Variants in ECT2L observed in about 807,000 individuals in gnomAD.
ECT2L encodes the protein epithelial cell transforming 2 like.
Under a neutral mutation model 122.8 loss-of-function variants are expected in ECT2L, and 126 were observed. The observed-to-expected ratio is 1.03, with a 90% confidence interval of 0.89 to 1.19. The LOEUF (loss-of-function observed/expected upper bound fraction) is 1.19. Among genes scored for constraint, ECT2L ranks in the 50% most tolerant of loss-of-function variants. ECT2L has a pLI of 0.00. For missense variants in ECT2L, 1,012 were observed against 1,064.1 expected (o/e 0.95, Z 0.68); for synonymous variants, 385 against 381.8 (o/e 1.01, Z -0.10).
intron 20 of ECT2L, among the ~76,000 whole-genome samples, chr6:138,892,196 A>G (rs536765486): frequency 3.1e-4 from 47 of 152,198 alleles, no homozygotes; most frequent in African/African-American, 1.1e-3. Context: ...TTCTGTTGAC[A>G]TATCTTCAAG....
At chr6:138,831,036 C>G (rs556044538) in intron 4 of ECT2L, among the ~76,000 whole-genome samples, 1 of 152,198 alleles carries the variant, frequency 6.6e-6, no homozygotes, top group Admixed American at 6.5e-5. Flanking sequence ...TCGTCGTAAG[C>G]ACAATGTGAC....
At chr6:138,859,893 C>A (rs565716514) in intron 10 of ECT2L, among the ~76,000 whole-genome samples, 3 of 151,874 alleles carry the variant, frequency 2.0e-5, no homozygotes, top group East Asian at 1.9e-4. Context: ...CGGCTCACTG[C>A]AACTTCTGCC....
chr6:138,821,197 A>G (rs1776257713), intron 4 of ECT2L, among the ~76,000 whole-genome samples: 1 of 152,150 alleles, frequency 6.6e-6, no homozygotes, highest in African/African-American at 2.4e-5. Flanking sequence ...TGCCTTTTTC[A>G]TTTTGCACTT....
chr6:138,841,959 C>T (rs1777053858), intron 5 of ECT2L, among the ~76,000 whole-genome samples: 1 of 152,178 alleles, frequency 6.6e-6, no homozygotes, highest in South Asian at 2.1e-4. Flanking sequence ...AGAAACTATT[C>T]CACTATTGCT....
intron 13 of ECT2L, among the ~76,000 whole-genome samples, chr6:138,868,809 T>C (rs1778141460): frequency 6.6e-6 from 1 of 151,920 alleles, no homozygotes; most frequent in Non-Finnish European, 1.5e-5. Context: ...TTTCAGAAAA[T>C]AGTGAGGAGA....
intron 12 of ECT2L, among the ~76,000 whole-genome samples, chr6:138,866,017 CATAA>C (rs1778022302): frequency 6.6e-6 from 1 of 152,228 alleles, no homozygotes; most frequent in South Asian, 2.1e-4. Context: ...TATCTCTTTA[CATAA>C]ATGCTTCCAA....
rs746613121 is a variant in ECT2L at position 138,885,619 on chromosome 6, G to A, written c.2102+40G>A. 5.0e-6 allele frequency: 8 copies of A among 1,613,882 alleles called. No individual in the cohort carries two copies. The East Asian group carries it at 1.3e-4, about 27-fold the overall frequency. On this transcript the variant is annotated intron_variant, in intron 17 of 21. Coordinates refer to ENST00000541398, the MANE Select transcript of ECT2L (RefSeq NM_001077706.3). ...AGAGCACAGCAGGGGTCCCCCCAGA[G>A]AGGGCATTCCTGGGCCTTCAGAGAC... is the stretch of plus-strand genomic sequence containing the variant.
intron 1 of ECT2L, among the ~76,000 whole-genome samples, chr6:138,797,174 T>C (rs77494779): frequency 0.017 from 2,548 of 152,316 alleles, 72 homozygotes; most frequent in African/African-American, 0.057. Flanking sequence ...ATAAAAATTA[T>C]ATACTGGCAT....
At chr6:138,900,569 A>G (rs190170709) in intron 20 of ECT2L, among the ~76,000 whole-genome samples, 5 of 152,236 alleles carry the variant, frequency 3.3e-5, no homozygotes. Flanking sequence ...GGTGAAACAA[A>G]ACAAAGACTT....
chr6:138,823,435 T>C (rs1776332767), intron 4 of ECT2L: 9 of 1,608,338 alleles, frequency 5.6e-6, no homozygotes, highest in Middle Eastern at 1.7e-4. Flanking sequence ...CTCATGAAGA[T>C]GCCAAACATT....
chr6:138,882,779 G>T lies in ECT2L; in HGVS notation c.1936G>T (p.Val646Leu). 1.9e-6 allele frequency: 3 copies of T among 1,614,220 alleles called. No homozygotes were observed. The highest frequency in any genetic ancestry group is 2.5e-6 in the Non-Finnish European group (3 of 1,180,034). Residue 646 changes from valine to leucine, a missense_variant, in exon 16 of 22, where the codon GTG becomes TTG. By Grantham distance (32) the Val-to-Leu change is conservative. Coordinates refer to ENST00000541398, the MANE Select transcript of ECT2L (RefSeq NM_001077706.3). ...GCAGGAATGGGGCCCAGCTCACTGT[G>T]TGGGAGAAATAGTCACGAAGTTTGG... Reference protein sequence around the residue: ...RLQEWGPAHCVGEIVTKFGSQ... With the variant: ...RLQEWGPAHCLGEIVTKFGSQ...
chr6:138,843,341 G>A (rs1777110887), intron 6 of ECT2L, 110 bp downstream of exon 6: 1 of 1,105,660 alleles, frequency 9.0e-7, no homozygotes. Context: ...ACTCTGAGTG[G>A]CAGTCTTAAG....
At position 138,846,614 on chromosome 6, in the gene ECT2L, C is replaced by T. The variant is rs1217881727; in HGVS notation, c.840C>T (p.Asp280=). Residue 280 remains aspartate (D), a synonymous_variant, in exon 8 of 22, where the codon GAC becomes GAT. Transcript: ENST00000541398. ...GGCATGGAGTTCATAAAAATGATGA[C>T]AGATCTTCATATGCTCTCCGGCCAC... is the stretch of plus-strand genomic sequence containing the variant. ...KNWHGVHKND[D]RSSYALRPHF... The T allele has an allele frequency of 6.2e-7, 1 of 1,611,308 alleles. No individual in the cohort carries two copies. The highest frequency in any genetic ancestry group is 8.5e-7 in the Non-Finnish European group (1 of 1,179,058).
chr6:138,871,418 C>T (rs1057307390), intron 13 of ECT2L, among the ~76,000 whole-genome samples: 1 of 152,164 alleles, frequency 6.6e-6, no homozygotes, highest in Admixed American at 6.5e-5. Flanking sequence ...CAGTGCAGGG[C>T]AGGGCAGGAG....
intron 20 of ECT2L, 150 bp from the exon 21 acceptor site, chr6:138,900,798 A>C: frequency 1.2e-6 from 1 of 827,292 alleles, no homozygotes; most frequent in Non-Finnish European, 1.8e-6. Flanking sequence ...ATCAGGAGGA[A>C]TATTATACTG....
intron 14 of ECT2L, chr6:138,879,177 C>A: frequency 3.6e-6 from 1 of 276,808 alleles, no homozygotes; most frequent in Admixed American, 4.3e-5. Flanking sequence ...ATTGACAAGC[C>A]TTGCTATTCA....
chr6:138,822,848 A>G, intron 4 of ECT2L: 1 of 1,613,978 alleles, frequency 6.2e-7, no homozygotes, highest in Non-Finnish European at 8.5e-7. Flanking sequence ...GTATCAAAGA[A>G]GATGTCAGAG....
rs377320722 is a variant in ECT2L at position 138,901,022 on chromosome 6, C to G, written c.2489C>G (p.Ser830Cys). ...CTGCTCGTTTCTAGTCGGGGCACAT[C>G]TCACACTCCATTTGAGAGGACTTCA... ...DALLVSSRGT[S>C]HTPFERTSKT... Residue 830 changes from serine (S) to cysteine (C), a missense_variant, in exon 21 of 22, where the codon TCT (serine) becomes TGT (cysteine). Ser to Cys is a moderately radical substitution (Grantham distance 112). Transcript: ENST00000541398. 6 of 1,614,096 alleles carry G rather than the reference C, an allele frequency of 3.7e-6. No individual in the cohort carries two copies. Among genetic ancestry groups the G allele is most frequent in the Admixed American group, 3.3e-5 (2 of 60,008 alleles).
At chr6:138,868,041 T>C (rs909437247) in intron 12 of ECT2L, 62 bp from the exon 13 acceptor site, 13 of 1,112,810 alleles carry the variant, frequency 1.2e-5, no homozygotes, top group East Asian at 2.5e-5. Context: ...GACTGAGTTG[T>C]TGTTTTTAAA....
Sources: allele counts gnomAD v4.1 joint callset (sites outside exome capture counted in the v4.1 genomes callset), GRCh38; gene constraint gnomAD v4.1.1; transcripts MANE v1.5; gene names NCBI Gene and HGNC (gene_info 2026-07-23, HGNC 2026-07-21).